UGT1A8: variants seen among roughly 807,000 people sequenced by gnomAD.
UGT1A8 encodes UDP glucuronosyltransferase family 1 member A8, also known as UDP-glucuronosyltransferase 1A8.
A neutral mutation model predicts 45.3 loss-of-function variants in UGT1A8; 39 were observed. The ratio of observed to expected loss-of-function variants is 0.86; its 90% CI spans 0.67 to 1.12. The LOEUF (loss-of-function observed/expected upper bound fraction) is 1.12, where lower values mean the gene tolerates loss of function less well. Ranked by LOEUF, UGT1A8 falls within the 50% of genes most tolerant of loss-of-function variation. The probability of loss-of-function intolerance (pLI) is 0.00; values close to 1 mark genes in which losing one functional copy is unlikely to be tolerated. For missense variants in UGT1A8, 719 were observed against 664.9 expected, an observed-to-expected ratio of 1.08 and a Z score of -0.90; for synonymous variants, 275 against 249.2, an observed-to-expected ratio of 1.10 and a Z score of -0.97.
At chr2:233,682,012 A>C (rs772323703) in intron 1 of UGT1A8, 29 of 1,614,092 alleles carry the variant, frequency 1.8e-5, no homozygotes, top group Non-Finnish European at 2.4e-5. Flanking sequence ...TTGCCAAGGC[A>C]GGGAAGCTGC....
At chr2:233,771,020 A>T (rs1052274200) in intron 4 of UGT1A8, 14 of 152,140 alleles carry the variant, frequency 9.2e-5, no homozygotes, top group Non-Finnish European at 2.1e-4. Flanking sequence ...GGAGCGAGAG[A>T]GAGTTGGGGG....
intron 1 of UGT1A8, among the ~76,000 whole-genome samples, chr2:233,707,431 T>G (rs1252673203): frequency 1.3e-5 from 2 of 152,174 alleles, no homozygotes; most frequent in Non-Finnish European, 2.9e-5. Flanking sequence ...TTCTTTGCTT[T>G]TCTTTACAAT....
rs1559370464 is a variant in UGT1A8 at position 233,725,249 on chromosome 2, GGAGGCAGAGGCAGAGGAGGCAGAGGCA to G, written c.856-41768_856-41742del. Among the ~76,000 whole-genome samples, 7 of 48,520 alleles carry G rather than the reference GGAGGCAGAGGCAGAGGAGGCAGAGGCA, an allele frequency of 1.4e-4. 2 individuals carry two copies. The highest frequency in any genetic ancestry group is 4.8e-4 in the East Asian group (1 of 2,098). The allele number at this position is 48,520 out of a possible 152,430, so 31.8% of individuals were successfully genotyped here. On this transcript the variant is annotated intron_variant, in intron 1 of 4. Coordinates refer to ENST00000373450, the MANE Select transcript of UGT1A8 (RefSeq NM_019076.5). ...CAGAGGCAGAGGAGGCAGAGGCAGA[GGAGGCAGAGGCAGAGGAGGCAGAGGCA>G]GAGGCAGAGGCAGAGGCAGAGGCAG...
intron 1 of UGT1A8, among the ~76,000 whole-genome samples, chr2:233,634,298 G>C (rs2073239894): frequency 6.6e-6 from 1 of 152,162 alleles, no homozygotes. Flanking sequence ...GATTTGGGTT[G>C]GAGAGTTCTA....
intron 1 of UGT1A8, among the ~76,000 whole-genome samples, chr2:233,749,509 A>G (rs912225239): frequency 2.6e-5 from 4 of 151,940 alleles, no homozygotes; most frequent in African/African-American, 7.3e-5. Context: ...GAATTAGAGA[A>G]CACTAGCAAG....
At chr2:233,723,030 C>T (rs1559367712) in intron 1 of UGT1A8, among the ~76,000 whole-genome samples, 1 of 143,404 alleles carries the variant, frequency 7.0e-6, no homozygotes, top group Non-Finnish European at 1.5e-5. Context: ...GAAGGGCCAG[C>T]GGGAGAGGCA....
rs772599786 is a variant in UGT1A8, at chr2:233,617,719, A to T, written c.12A>T (p.Thr4=). ...GCTGCAGTTCTCTCATGGCTCGCAC[A>T]GGGTGGACCAGCCCCATTCCCCTAT... MAR[T]GWTSPIPLCV... The change falls in exon 1 of 5, where the codon ACA becomes ACT. Residue 4 remains threonine (T), a synonymous_variant. Coordinates refer to ENST00000373450, the MANE Select transcript of UGT1A8 (RefSeq NM_019076.5). 2.5e-6 allele frequency: 4 copies of T among 1,613,162 alleles called. No homozygotes were observed.
chr2:233,730,127 C>G (rs2077990319), intron 1 of UGT1A8: 1 of 1,540,256 alleles, frequency 6.5e-7, no homozygotes, highest in East Asian at 2.4e-5. Context: ...GTCATAATAG[C>G]CTTCAGTGAG....
rs1326860704 is a variant in UGT1A8 at position 233,769,636 on chromosome 2, G to A, written c.1295+1197G>A. ...AGCTTGAGCAAGGGACAACAGGGGA[G>A]GACTGATGACTGACTTCCCACCTTT... On this transcript the variant is annotated intron_variant, in intron 4 of 4. Coordinates refer to ENST00000373450, the MANE Select transcript of UGT1A8 (RefSeq NM_019076.5). This position sits in a 1 kb window ranked among gnomAD's most constrained non-coding sequence, Gnocchi z 4.4. 6.8e-6 allele frequency: 11 copies of A among 1,610,668 alleles called. No homozygotes were observed. Among genetic ancestry groups the A allele is most frequent in the Non-Finnish European group, 8.5e-6 (10 of 1,178,970 alleles).
intron 1 of UGT1A8, among the ~76,000 whole-genome samples, chr2:233,677,372 G>T (rs756842376): frequency 6.6e-6 from 1 of 152,074 alleles, no homozygotes; most frequent in Non-Finnish European, 1.5e-5. Flanking sequence ...GGACCAACCC[G>T]TGTGTAGTAG....
At chr2:233,703,892 T>A (rs1430285411) in intron 1 of UGT1A8, among the ~76,000 whole-genome samples, 1 of 152,058 alleles carries the variant, frequency 6.6e-6, no homozygotes, top group Non-Finnish European at 1.5e-5. Context: ...ATCATTTTTT[T>A]CTTTTCTTTT....
At chr2:233,717,451 T>C (rs1244065037) in intron 1 of UGT1A8, among the ~76,000 whole-genome samples, 1 of 152,228 alleles carries the variant, frequency 6.6e-6, no homozygotes, top group Non-Finnish European at 1.5e-5. Flanking sequence ...ATCCATTCAC[T>C]GCCTGTCCCA....
At chr2:233,673,160 G>C (rs1042017198) in intron 1 of UGT1A8, among the ~76,000 whole-genome samples, 1 of 152,050 alleles carries the variant, frequency 6.6e-6, no homozygotes, top group African/African-American at 2.4e-5. Flanking sequence ...TTTTAAAAAA[G>C]TACTTTAGGT....
At chr2:233,633,236 C>T (rs2125455981) in intron 1 of UGT1A8, among the ~76,000 whole-genome samples, 1 of 152,232 alleles carries the variant, frequency 6.6e-6, no homozygotes, top group Admixed American at 6.5e-5. Context: ...GGATATTTGC[C>T]ATCGATGTTC....
chr2:233,731,166 G>T (rs1000792478), intron 1 of UGT1A8, among the ~76,000 whole-genome samples: 13 of 151,756 alleles, frequency 8.6e-5, no homozygotes, highest in Admixed American at 3.3e-4. Flanking sequence ...CAAACGACAT[G>T]ATTTTTTTAT....
chr2:233,675,981 T>C (rs1013373282), intron 1 of UGT1A8, among the ~76,000 whole-genome samples: 1 of 152,188 alleles, frequency 6.6e-6, no homozygotes, highest in Non-Finnish European at 1.5e-5. Flanking sequence ...CATCTTTCCA[T>C]ACAGATCAAT....
intron 1 of UGT1A8, among the ~76,000 whole-genome samples, chr2:233,710,469 T>C (rs2076133912): frequency 6.6e-6 from 1 of 152,238 alleles, no homozygotes; most frequent in Non-Finnish European, 1.5e-5. Context: ...AATGGGTGTG[T>C]AGTAGAATTT....
chr2:233,713,210 C>T, intron 1 of UGT1A8: 1 of 1,614,238 alleles, frequency 6.2e-7, no homozygotes, highest in East Asian at 2.2e-5. Flanking sequence ...AAGAAGAGAA[C>T]TTTTTCACCC....
At chr2:233,712,932 A>G in intron 1 of UGT1A8, 1 of 1,612,230 alleles carries the variant, frequency 6.2e-7, no homozygotes, top group Non-Finnish European at 8.5e-7. Flanking sequence ...AAGACGAAGG[A>G]AACAATTCTA....
Sources: gnomAD v4.1 joint callset for allele counts (sites outside exome capture counted in the v4.1 genomes callset) on GRCh38, gnomAD v4.1.1 for gene constraint, Gnocchi (gnomAD v3.1) non-coding constraint, MANE v1.5 for transcripts, NCBI Gene and HGNC (gene_info 2026-07-23, HGNC 2026-07-21) for gene names.